The following PAMR1 variants were observed in gnomAD, a reference collection of about 807,000 sequenced individuals.
PAMR1 encodes the protein peptidase domain containing associated with muscle regeneration 1.
Under a neutral mutation model 81.8 loss-of-function variants are expected in PAMR1, and 88 were observed. The ratio of observed to expected loss-of-function variants is 1.08; its 90% CI spans 0.91 to 1.28. The LOEUF is 1.28. PAMR1 is among the 50% of genes most tolerant of loss of function. The probability of loss-of-function intolerance (pLI) is 0.00; values close to 1 mark genes in which losing one functional copy is unlikely to be tolerated. For missense variants in PAMR1, 935 were observed against 919.7 expected (o/e 1.02, Z -0.21); for synonymous variants, 336 against 345.3 (o/e 0.97, Z 0.30).
intron 1 of PAMR1, among the ~76,000 whole-genome samples, chr11:35,508,865 T>C (rs557503797): frequency 9.2e-5 from 14 of 152,306 alleles, no homozygotes; most frequent in Admixed American, 9.2e-4. Flanking sequence ...TCCATGTTGC[T>C]GTGAAGGACT....
Position 35,492,086 on chromosome 11 carries a change from C to T in PAMR1, c.338G>A (p.Cys113Tyr). Residue 113 changes from cysteine (C) to tyrosine (Y), a missense_variant, in exon 3 of 11, where the codon TGT becomes TAT. Transcript: ENST00000619888. The stretch of plus-strand genomic sequence containing the variant: ...GTACCAGCCTGCTCGGCACTCTGCA[C>T]AGTAGAACCCCTTCACATAGAAGTC... ...LDDFYVKGFY[C>Y]AECRAGWYGG... The T allele has an allele frequency of 6.2e-7, 1 of 1,614,108 alleles. No individual in the cohort carries two copies. The highest frequency in any genetic ancestry group is 2.2e-5 in the East Asian group (1 of 44,890).
chr11:35,509,809 G>A (rs1851039995), intron 1 of PAMR1, among the ~76,000 whole-genome samples: 1 of 152,178 alleles, frequency 6.6e-6, no homozygotes, highest in South Asian at 2.1e-4. Context: ...TCCTACTTAG[G>A]AGGAAAGAGC....
chr11:35,436,355 GCTCACTGCAAC>G lies in PAMR1; in HGVS notation c.1101-231_1101-221del, dbSNP rs140431729. On this transcript the variant is annotated intron_variant, in intron 8 of 10. Coordinates refer to ENST00000619888, the MANE Select transcript of PAMR1 (RefSeq NM_001001991.3). Reference sequence around the variant, plus strand: ...GATGGAGTGTAGTGATGCGATCTTGGCTCACTGCAACCTCCACCTCCTGGGTTCAAGCAATT... The same window carrying G: ...GATGGAGTGTAGTGATGCGATCTTGGCTCCACCTCCTGGGTTCAAGCAATT... The G allele has an allele frequency of 8.7e-3, 4,223 of 482,680 alleles. 27 individuals carry two copies. Among genetic ancestry groups the G allele is most frequent in the Non-Finnish European group, 0.013 (3,497 of 267,528 alleles). 29.9% of individuals were successfully genotyped at this position (482,680 alleles called of 1,614,324 possible). A position where few individuals can be genotyped will look rare whatever the true frequency, so the allele number is the denominator to read the frequency against.
At chr11:35,479,054 C>A (rs1850334675) in intron 3 of PAMR1, among the ~76,000 whole-genome samples, 1 of 152,122 alleles carries the variant, frequency 6.6e-6, no homozygotes, top group Admixed American at 6.5e-5. Flanking sequence ...AGGCTCTCAA[C>A]AAAAATGAAC....
At chr11:35,463,591 C>A (rs923275193) in intron 6 of PAMR1, among the ~76,000 whole-genome samples, 38 of 152,286 alleles carry the variant, frequency 2.5e-4, no homozygotes, top group African/African-American at 8.4e-4. Flanking sequence ...GAAGAAGGGG[C>A]CCCAGTTTCC....
chr11:35,507,780 A>G (rs1337119971), intron 1 of PAMR1, among the ~76,000 whole-genome samples: 1 of 137,546 alleles, frequency 7.3e-6, no homozygotes, highest in Non-Finnish European at 1.5e-5. Context: ...AATTCTTTGT[A>G]ATTTACCTAT....
chr11:35,476,198 C>G (rs1030420801), intron 3 of PAMR1, among the ~76,000 whole-genome samples: 1 of 152,150 alleles, frequency 6.6e-6, no homozygotes, highest in African/African-American at 2.4e-5. Flanking sequence ...GCATCATCCA[C>G]CAGTTTCCAC....
intron 9 of PAMR1, 116 bp from the exon 10 acceptor site, chr11:35,434,920 C>A (rs969891984): frequency 9.7e-6 from 9 of 928,034 alleles, no homozygotes; most frequent in Middle Eastern, 2.6e-4. Flanking sequence ...GGCATGATGA[C>A]CACTAAGATA....
chr11:35,467,212 G>A lies in PAMR1; in HGVS notation c.820+789C>T, dbSNP rs555897822. Among the ~76,000 whole-genome samples the A allele has an allele frequency of 3.3e-5, 5 of 152,108 alleles. No homozygotes were observed. The East Asian group carries it at 5.8e-4, about 18-fold the overall frequency. ...TGAGGTTGGTATTTTGCCTGAAATC[G>A]CACCCCTACTTGGCCTCCTTCCCTT... On this transcript the variant is annotated intron_variant, in intron 6 of 10. Transcript: ENST00000619888.
chr11:35,504,333 A>T (rs931197986), intron 1 of PAMR1, among the ~76,000 whole-genome samples: 2 of 151,982 alleles, frequency 1.3e-5, no homozygotes, highest in African/African-American at 4.8e-5. Flanking sequence ...GCCTCTAGTT[A>T]TCTTTTTTGC....
chr11:35,476,028 A>G (rs1180202605), intron 3 of PAMR1, among the ~76,000 whole-genome samples: 1 of 152,244 alleles, frequency 6.6e-6, no homozygotes, highest in African/African-American at 2.4e-5. Context: ...GCAAGATGAC[A>G]GTAGTAATAT....
chr11:35,527,811 T>C (rs1331564729), upstream of PAMR1, among the ~76,000 whole-genome samples: 1 of 152,164 alleles, frequency 6.6e-6, no homozygotes, highest in Non-Finnish European at 1.5e-5. Flanking sequence ...CCTTCATCAA[T>C]AGTCCAGGGT....
chr11:35,526,324 ATGG>A (rs1736598460), upstream of PAMR1, among the ~76,000 whole-genome samples: 1 of 152,204 alleles, frequency 6.6e-6, no homozygotes, highest in African/African-American at 2.4e-5. Context: ...GATCCCCACG[ATGG>A]TGAATTCAGC....
intron 6 of PAMR1, among the ~76,000 whole-genome samples, chr11:35,460,116 G>A (rs1445026597): frequency 1.3e-5 from 2 of 152,216 alleles, no homozygotes; most frequent in Admixed American, 6.5e-5. Context: ...ACAGGAGGAG[G>A]GACATGTAGT....
At chr11:35,526,023 C>T (rs893079443), upstream of PAMR1, 2 of 192,774 alleles carry the variant, frequency 1.0e-5, no homozygotes, top group Non-Finnish European at 2.2e-5. Context: ...CGGGAGCTGG[C>T]TTTGCCCTCT....
At chr11:35,464,237 T>C (rs1436793546) in intron 6 of PAMR1, among the ~76,000 whole-genome samples, 1 of 152,242 alleles carries the variant, frequency 6.6e-6, no homozygotes, top group African/African-American at 2.4e-5. Flanking sequence ...CTTAAGGACT[T>C]GGATGAATAT....
At chr11:35,515,080 A>G (rs1851138283) in intron 1 of PAMR1, among the ~76,000 whole-genome samples, 1 of 152,238 alleles carries the variant, frequency 6.6e-6, no homozygotes, top group African/African-American at 2.4e-5. Flanking sequence ...TGACGACATT[A>G]AAAACAATGA....
At position 35,466,354 on chromosome 11, in the gene PAMR1, C is replaced by T. The variant is rs188767058; in HGVS notation, c.820+1647G>A. On this transcript the variant is annotated intron_variant, in intron 6 of 10. Transcript: ENST00000619888. ...GCTGTGCCAAACCAGGGCAAGGATG[C>T]TCTTAGTAGAAATCAATGGCACACA... 3.5e-3 allele frequency among the ~76,000 whole-genome samples: 538 copies of T among 152,264 alleles called. 1 individual carries two copies. The highest frequency in any genetic ancestry group is 0.012 in the African/African-American group (490 of 41,536).
chr11:35,457,019 C>T (rs1442312035), intron 6 of PAMR1, among the ~76,000 whole-genome samples: 1 of 152,134 alleles, frequency 6.6e-6, no homozygotes, highest in African/African-American at 2.4e-5. Flanking sequence ...TCAAAGGCTT[C>T]TCTAATAGTT....
Sources: gnomAD v4.1 joint callset for allele counts (sites outside exome capture counted in the v4.1 genomes callset) on GRCh38, gnomAD v4.1.1 for gene constraint, MANE v1.5 for transcripts, NCBI Gene and HGNC (gene_info 2026-07-23, HGNC 2026-07-21) for gene names.